PDE1C: variants seen among roughly 807,000 people sequenced by gnomAD.
The protein encoded by PDE1C is phosphodiesterase 1C.
A neutral mutation model predicts 93.1 loss-of-function variants in PDE1C; 62 were observed. The observed-to-expected ratio is 0.67, with a 90% CI of 0.54 to 0.82. The LOEUF is 0.82. Among genes scored for constraint, PDE1C ranks in the 40% least tolerant of loss-of-function variants. The pLI, the probability that PDE1C is intolerant of heterozygous loss-of-function variation, is 0.00. For synonymous variants in PDE1C, 325 were observed against 310.1 expected, an observed-to-expected ratio of 1.05 and a Z score of -0.50; for missense variants, 742 against 884.6, an observed-to-expected ratio of 0.84 and a Z score of 2.04.
chr7:32,152,335 G>T (rs1243643193), intron 3 of PDE1C, among the ~76,000 whole-genome samples: 2 of 152,226 alleles, frequency 1.3e-5, no homozygotes, highest in Non-Finnish European at 2.9e-5. Flanking sequence ...ATGGATCCCT[G>T]CCAGGAGCAG....
At chr7:31,809,612 G>A (rs938822890) in intron 15 of PDE1C, among the ~76,000 whole-genome samples, 2 of 152,044 alleles carry the variant, frequency 1.3e-5, no homozygotes, top group African/African-American at 4.8e-5. Flanking sequence ...TGTAAAAGTT[G>A]TAAAATGCTA....
chr7:31,951,864 A>G (rs1253681071), intron 2 of PDE1C, among the ~76,000 whole-genome samples: 1 of 150,962 alleles, frequency 6.6e-6, no homozygotes, highest in Non-Finnish European at 1.5e-5. Flanking sequence ...GTGGATTTCA[A>G]CTCTTACACC....
chr7:31,853,672 G>T (rs1365344199), intron 7 of PDE1C, among the ~76,000 whole-genome samples: 1 of 6,694 alleles, frequency 1.5e-4, no homozygotes, highest in Non-Finnish European at 0.014. Context: ...AGGAGAGAAG[G>T]GAGATAAAAA....
chr7:31,743,630 T>A, the PDE1C span, among the ~76,000 whole-genome samples: 1 of 151,836 alleles, frequency 6.6e-6, no homozygotes, highest in African/African-American at 2.4e-5. Flanking sequence ...ATAAAACTAA[T>A]GTGTAAGCAT....
intron 2 of PDE1C, among the ~76,000 whole-genome samples, chr7:32,014,566 T>A (rs1002555354): frequency 6.6e-6 from 1 of 152,142 alleles, no homozygotes; most frequent in South Asian, 2.1e-4. Context: ...CAACCTGTCA[T>A]CTAGGTTTTC....
intron 1 of PDE1C, among the ~76,000 whole-genome samples, chr7:32,308,438 A>G (rs574265634): frequency 2.0e-4 from 31 of 152,358 alleles, no homozygotes; most frequent in South Asian, 1.0e-3. Flanking sequence ...AGCCTCCTCA[A>G]GTGGGTCCTT....
At chr7:32,028,068 C>G (rs148902430) in intron 2 of PDE1C, among the ~76,000 whole-genome samples, 31 of 152,176 alleles carry the variant, frequency 2.0e-4, no homozygotes, top group African/African-American at 7.2e-4. Context: ...CAGGGCTGTC[C>G]AACAGCAAGA....
At chr7:31,947,409 A>G (rs1806766366) in intron 2 of PDE1C, among the ~76,000 whole-genome samples, 1 of 152,222 alleles carries the variant, frequency 6.6e-6, no homozygotes, top group Admixed American at 6.5e-5. Flanking sequence ...TAAACATCAT[A>G]GCATGTGTTC....
At chr7:31,872,331 C>T (rs1355207901) in intron 6 of PDE1C, among the ~76,000 whole-genome samples, 2 of 151,898 alleles carry the variant, frequency 1.3e-5, no homozygotes, top group East Asian at 3.9e-4. Flanking sequence ...AATAGGGTGA[C>T]TACAGTTAAC....
At chr7:31,710,994 T>A in the PDE1C span, among the ~76,000 whole-genome samples, 2 of 152,196 alleles carry the variant, frequency 1.3e-5, no homozygotes, top group Admixed American at 1.3e-4. Context: ...TCAGCTTACC[T>A]TCCTGAAGAA....
At chr7:32,029,193 T>C (rs545520936) in intron 2 of PDE1C, among the ~76,000 whole-genome samples, 17 of 152,236 alleles carry the variant, frequency 1.1e-4, no homozygotes, top group Admixed American at 5.9e-4. Context: ...CACAATGAGA[T>C]ATCATCTCAG....
At chr7:31,872,762 A>G (rs1796099198) in intron 6 of PDE1C, among the ~76,000 whole-genome samples, 1 of 152,168 alleles carries the variant, frequency 6.6e-6, no homozygotes, top group Non-Finnish European at 1.5e-5. Flanking sequence ...GGAGTTGAAC[A>G]CTGGAAATGA....
At chr7:31,794,050 A>AGATG (rs1784940318) in intron 16 of PDE1C, among the ~76,000 whole-genome samples, 1 of 128,902 alleles carries the variant, frequency 7.8e-6, no homozygotes, top group African/African-American at 3.6e-5. Context: ...ATAGACAGAC[A>AGATG]GACAGACAGA....
chr7:31,763,222 T>C (rs574318673), intron 17 of PDE1C, among the ~76,000 whole-genome samples: 1 of 152,326 alleles, frequency 6.6e-6, no homozygotes, highest in East Asian at 1.9e-4. Flanking sequence ...CTGTTCCTGT[T>C]GTCTGGGAAT....
the PDE1C span, among the ~76,000 whole-genome samples, chr7:31,683,519 C>T: frequency 6.6e-6 from 1 of 151,952 alleles, no homozygotes; most frequent in East Asian, 1.9e-4. Context: ...TTCAAAACTG[C>T]CCAGAGCAAA....
chr7:32,206,807 T>C (rs1805591898), intron 2 of PDE1C, among the ~76,000 whole-genome samples: 1 of 152,180 alleles, frequency 6.6e-6, no homozygotes, highest in Non-Finnish European at 1.5e-5. Context: ...GATGCCATTC[T>C]CAAACCATCT....
At chr7:32,374,302 A>AGAAAGAAT (rs1784396895) in intron 1 of PDE1C, among the ~76,000 whole-genome samples, 1 of 149,068 alleles carries the variant, frequency 6.7e-6, no homozygotes, top group African/African-American at 2.5e-5. Context: ...AAAGAAAGAA[A>AGAAAGAAT]GAAAGAAGAA....
intron 2 of PDE1C, among the ~76,000 whole-genome samples, chr7:31,968,531 T>C (rs1477752969): frequency 6.6e-6 from 1 of 152,098 alleles, no homozygotes; most frequent in African/African-American, 2.4e-5. Context: ...ATGGCCATAC[T>C]GCCCAAGGTA....
At chr7:31,661,463 A>G in the PDE1C span, among the ~76,000 whole-genome samples, 11 of 152,186 alleles carry the variant, frequency 7.2e-5, no homozygotes, top group African/African-American at 2.7e-4. Context: ...CTGTAATCCC[A>G]GCACTTTGGG....
Sources: gnomAD v4.1 joint callset for allele counts (sites outside exome capture counted in the v4.1 genomes callset) on GRCh38, gnomAD v4.1.1 for gene constraint, MANE v1.5 for transcripts, NCBI Gene and HGNC (gene_info 2026-07-23, HGNC 2026-07-21) for gene names.